EYA4: variants seen among roughly 807,000 people sequenced by gnomAD.
EYA4 encodes the protein EYA transcriptional coactivator and phosphatase 4, also known as protein phosphatase EYA4.
A neutral mutation model predicts 87.9 loss-of-function variants in EYA4; 31 were observed. The ratio of observed to expected loss-of-function variants is 0.35; its 90% CI spans 0.27 to 0.48. The LOEUF is 0.48. Among genes scored for constraint, EYA4 ranks in the 20% least tolerant of loss-of-function variants. EYA4 has a pLI of 0.99. For synonymous variants in EYA4, 263 were observed against 270.6 expected, an observed-to-expected ratio of 0.97 and a Z score of 0.28; for missense variants, 678 against 761.4, an observed-to-expected ratio of 0.89 and a Z score of 1.29.
At chr6:133,483,352 C>T (rs1796390111) in intron 13 of EYA4, among the ~76,000 whole-genome samples, 1 of 152,012 alleles carries the variant, frequency 6.6e-6, no homozygotes, top group Non-Finnish European at 1.5e-5. Context: ...TTTTCTACAT[C>T]AAGACCAAGC....
At chr6:133,493,093 C>A (rs1797330087) in intron 13 of EYA4, among the ~76,000 whole-genome samples, 1 of 151,530 alleles carries the variant, frequency 6.6e-6, no homozygotes, top group Non-Finnish European at 1.5e-5. Context: ...CAGAAAAAAA[C>A]AATCCTAAAA....
chr6:133,461,225 G>T, intron 7 of EYA4, 45 bp downstream of exon 7: 1 of 1,250,626 alleles, frequency 8.0e-7, no homozygotes, highest in Middle Eastern at 1.9e-4. Flanking sequence ...AAACATTTAT[G>T]TCTATACATG....
At chr6:133,376,003 G>T (rs945083594) in intron 2 of EYA4, among the ~76,000 whole-genome samples, 1 of 151,684 alleles carries the variant, frequency 6.6e-6, no homozygotes, top group African/African-American at 2.4e-5. Flanking sequence ...ACAGTTTTTT[G>T]AAATAAATAT....
At chr6:133,298,884 G>A (rs1216712779) in intron 2 of EYA4, among the ~76,000 whole-genome samples, 2 of 152,138 alleles carry the variant, frequency 1.3e-5, no homozygotes, top group African/African-American at 2.4e-5. Flanking sequence ...TGCCTTTTAG[G>A]GGCAGCACCC....
At chr6:133,400,268 T>C (rs1331220560) in intron 3 of EYA4, among the ~76,000 whole-genome samples, 1 of 152,046 alleles carries the variant, frequency 6.6e-6, no homozygotes, top group Non-Finnish European at 1.5e-5. Context: ...CCAGCACTTC[T>C]GGAGGCCAAG....
chr6:133,493,771 C>T (rs567708708), intron 13 of EYA4, among the ~76,000 whole-genome samples: 3 of 152,124 alleles, frequency 2.0e-5, no homozygotes, highest in East Asian at 1.9e-4. Flanking sequence ...GAATAAAAAC[C>T]GGTCAAGAAA....
chr6:133,346,931 A>G (rs1203849702), intron 2 of EYA4, among the ~76,000 whole-genome samples: 1 of 151,638 alleles, frequency 6.6e-6, no homozygotes, highest in African/African-American at 2.4e-5. Flanking sequence ...ACCAAATTAC[A>G]TTTTAAAAAT....
chr6:133,272,473 A>C (rs899575914), intron 1 of EYA4, among the ~76,000 whole-genome samples: 2 of 152,252 alleles, frequency 1.3e-5, no homozygotes, highest in African/African-American at 4.8e-5. Context: ...GATGGGTCAG[A>C]AAGCTCCCAG....
chr6:133,479,570 GTTTTA>G (rs72054374), intron 11 of EYA4, among the ~76,000 whole-genome samples: 4,471 of 152,022 alleles, frequency 0.029, 249 homozygotes, highest in East Asian at 0.18. Flanking sequence ...CCTCAGAATT[GTTTTA>G]TTTTAATTTT....
chr6:133,264,075 C>A (rs1190227243), intron 1 of EYA4, among the ~76,000 whole-genome samples: 3 of 152,210 alleles, frequency 2.0e-5, no homozygotes, highest in Non-Finnish European at 2.9e-5. Flanking sequence ...CTGCTTGTAC[C>A]CTCACAGGAG....
intron 3 of EYA4, among the ~76,000 whole-genome samples, chr6:133,410,742 CT>C (rs1234388173): frequency 1.3e-5 from 2 of 151,868 alleles, no homozygotes; most frequent in African/African-American, 4.8e-5. Flanking sequence ...CTCCTGGGGG[CT>C]TCCTGCAGTC....
intron 2 of EYA4, among the ~76,000 whole-genome samples, chr6:133,321,059 GC>G (rs1781052235): frequency 6.6e-6 from 1 of 152,060 alleles, no homozygotes; most frequent in South Asian, 2.1e-4. Context: ...ATTGTCTTCC[GC>G]CTAGGACACA....
At chr6:133,464,053 T>C (rs1794641759) in intron 9 of EYA4, among the ~76,000 whole-genome samples, 1 of 152,104 alleles carries the variant, frequency 6.6e-6, no homozygotes, top group Non-Finnish European at 1.5e-5. Context: ...TCAAAACACA[T>C]TGATAAAACA....
At chr6:133,525,050 T>C in intron 18 of EYA4, 104 bp from the exon 19 acceptor site, 2 of 1,613,632 alleles carry the variant, frequency 1.2e-6, no homozygotes, top group Non-Finnish European at 1.7e-6. Flanking sequence ...AGTGTCCAGA[T>C]TTGGCACTAA....
At chr6:133,414,862 A>T (rs1314961661) in intron 3 of EYA4, among the ~76,000 whole-genome samples, 1 of 152,100 alleles carries the variant, frequency 6.6e-6, no homozygotes, top group Admixed American at 6.6e-5. Flanking sequence ...CATGTCTGTT[A>T]CCTGTTTGAG....
chr6:133,480,855 A>T lies in EYA4; in HGVS notation c.971-608A>T, dbSNP rs189209853. On this transcript the variant is annotated intron_variant, in intron 11 of 19. Transcript: ENST00000355286. ...TCTAAGAAGTTTTATGTAAAAGAGA[A>T]AATGGAAGCAAATAGTATCTAGATG... 5.3e-5 allele frequency among the ~76,000 whole-genome samples: 8 copies of T among 152,310 alleles called. No homozygotes were observed. The East Asian group carries it at 1.5e-3, about 29-fold the overall frequency.
chr6:133,506,258 A>G, intron 14 of EYA4, 63 bp downstream of exon 14: 1 of 902,862 alleles, frequency 1.1e-6, no homozygotes, highest in South Asian at 1.4e-5. Context: ...TGGTTTCTGT[A>G]TCTGTAGATA....
chr6:133,503,441 G>T (rs1277901751), intron 13 of EYA4, among the ~76,000 whole-genome samples: 4 of 152,164 alleles, frequency 2.6e-5, no homozygotes, highest in African/African-American at 9.7e-5. Context: ...TTTTAAATCA[G>T]ATATTTCTGA....
At chr6:133,398,721 C>T (rs1457404950) in intron 3 of EYA4, among the ~76,000 whole-genome samples, 4 of 152,042 alleles carry the variant, frequency 2.6e-5, no homozygotes, top group Non-Finnish European at 5.9e-5. Context: ...GAATGTGGAC[C>T]TTTTCTTTGG....
Sources: allele counts gnomAD v4.1 joint callset (sites outside exome capture counted in the v4.1 genomes callset), GRCh38; gene constraint gnomAD v4.1.1; transcripts MANE v1.5; gene names NCBI Gene and HGNC (gene_info 2026-07-23, HGNC 2026-07-21).